The following MIS18A variants were observed in gnomAD, a reference collection of about 807,000 sequenced individuals.
The protein encoded by MIS18A is MIS18 kinetochore protein A, also known as protein Mis18-alpha.
A neutral mutation model predicts 25.0 loss-of-function variants in MIS18A; 14 were observed. The ratio of observed to expected loss-of-function variants is 0.56; its 90% CI spans 0.37 to 0.88. The LOEUF is 0.88. MIS18A is among the 40% of genes least tolerant of loss of function. The pLI is 0.00. For missense variants in MIS18A, 292 were observed against 290.8 expected (o/e 1.00, Z -0.03); for synonymous variants, 134 against 118.6 (o/e 1.13, Z -0.84).
chr21:32,189,707 G>T, the MIS18A span, among the ~76,000 whole-genome samples: 1 of 152,034 alleles, frequency 6.6e-6, no homozygotes, highest in South Asian at 2.1e-4. Flanking sequence ...TGACTCACCT[G>T]TGTCCTTTAG....
the MIS18A span, among the ~76,000 whole-genome samples, chr21:32,168,237 G>A: frequency 6.6e-6 from 1 of 152,188 alleles, no homozygotes; most frequent in Non-Finnish European, 1.5e-5. Context: ...TCAGAACTAT[G>A]AGAATTAAAT....
chr21:32,274,959 G>A, intron 1 of MIS18A, 63 bp from the exon 2 acceptor site: 1 of 1,350,942 alleles, frequency 7.4e-7, no homozygotes, highest in Non-Finnish European at 1.0e-6. Flanking sequence ...CCTGCAGACA[G>A]AGAGTTTCTA....
At chr21:32,273,706 A>G (rs1001356489) in intron 2 of MIS18A, among the ~76,000 whole-genome samples, 1 of 152,208 alleles carries the variant, frequency 6.6e-6, no homozygotes, top group Non-Finnish European at 1.5e-5. Context: ...GTATTTGGTC[A>G]TAAGTGCACA....
chr21:32,239,693 G>A, the MIS18A span, among the ~76,000 whole-genome samples: 1 of 152,184 alleles, frequency 6.6e-6, no homozygotes, highest in Non-Finnish European at 1.5e-5. Context: ...CCACAGAAGA[G>A]CCACGAGAAA....
At chr21:32,224,191 G>A in the MIS18A span, among the ~76,000 whole-genome samples, 1 of 150,348 alleles carries the variant, frequency 6.7e-6, no homozygotes, top group Non-Finnish European at 1.5e-5. Context: ...GGCAAAAACT[G>A]GAAGCATTCC....
chr21:32,166,765 C>T, the MIS18A span, among the ~76,000 whole-genome samples: 1 of 152,092 alleles, frequency 6.6e-6, no homozygotes, highest in Non-Finnish European at 1.5e-5. Context: ...TACTCCCCTT[C>T]GAGAGATGGA....
In MIS18A at chr21:32,278,917, T is replaced by C; in HGVS notation, c.98A>G (p.Lys33Arg). ...GKCSDSSLLGKRLSEDSSRHQ... is the reference protein window; with the variant it reads ...GKCSDSSLLGRRLSEDSSRHQ... ...GCGGCTCGAGTCTTCGGAGAGTCTC[T>C]TGCCCAACAGCGAGGAGTCGCTGCA... Residue 33 changes from lysine (K) to arginine (R), a missense_variant, in exon 1 of 5, where the codon AAG becomes AGG. By Grantham distance (26) the Lys-to-Arg change is conservative (BLOSUM62 2). Coordinates refer to ENST00000290130, the MANE Select transcript of MIS18A (RefSeq NM_018944.3). 1.2e-6 allele frequency: 2 copies of C among 1,613,670 alleles called. No homozygotes were observed. Among genetic ancestry groups the C allele is most frequent in the Non-Finnish European group, 1.7e-6 (2 of 1,180,012 alleles).
the MIS18A span, among the ~76,000 whole-genome samples, chr21:32,263,176 T>C: frequency 1.3e-5 from 2 of 152,250 alleles, no homozygotes; most frequent in Non-Finnish European, 2.9e-5. Flanking sequence ...CAGTTATTTA[T>C]CCTATCTGGG....
chr21:32,248,240 A>G, the MIS18A span, among the ~76,000 whole-genome samples: 1 of 152,168 alleles, frequency 6.6e-6, no homozygotes, highest in Non-Finnish European at 1.5e-5. Context: ...TGACATTGAC[A>G]TGTGTCACCT....
the MIS18A span, among the ~76,000 whole-genome samples, chr21:32,190,051 A>C: frequency 6.6e-6 from 1 of 152,134 alleles, no homozygotes; most frequent in Non-Finnish European, 1.5e-5. Flanking sequence ...CAAATGTGAA[A>C]ATTACAGAAG....
At chr21:32,180,922 G>A in the MIS18A span, among the ~76,000 whole-genome samples, 2 of 148,566 alleles carry the variant, frequency 1.3e-5, no homozygotes, top group Non-Finnish European at 3.0e-5. Context: ...TCCTCCCAGT[G>A]GCTGACTGGG....
chr21:32,257,441 G>A, the MIS18A span, among the ~76,000 whole-genome samples: 1 of 152,178 alleles, frequency 6.6e-6, no homozygotes, highest in African/African-American at 2.4e-5. Context: ...TTACACAGCA[G>A]CAGCAAATGT....
chr21:32,239,791 A>T, the MIS18A span, among the ~76,000 whole-genome samples: 3 of 152,118 alleles, frequency 2.0e-5, no homozygotes, highest in Non-Finnish European at 4.4e-5. Flanking sequence ...GGAAGCTCAA[A>T]CTCTATTTAG....
chr21:32,172,198 T>A, the MIS18A span, among the ~76,000 whole-genome samples: 9 of 152,096 alleles, frequency 5.9e-5, no homozygotes, highest in African/African-American at 9.6e-5. Flanking sequence ...GATAGGAATA[T>A]AAATTGCTGC....
chr21:32,274,920 A>G, intron 1 of MIS18A, 24 bp from the exon 2 acceptor site: 1 of 1,582,706 alleles, frequency 6.3e-7, no homozygotes, highest in Non-Finnish European at 8.7e-7. Context: ...AAGTAACAAT[A>G]ATTTATTAAT....
chr21:32,176,376 A>G, the MIS18A span, among the ~76,000 whole-genome samples: 1 of 152,182 alleles, frequency 6.6e-6, no homozygotes, highest in African/African-American at 2.4e-5. Context: ...CTCCATTATA[A>G]TCTTATAGAA....
chr21:32,270,931 T>C (rs1489925739), intron 2 of MIS18A, among the ~76,000 whole-genome samples: 1 of 152,232 alleles, frequency 6.6e-6, no homozygotes, highest in Non-Finnish European at 1.5e-5. Flanking sequence ...CTGAATAACC[T>C]GTGTTCCAAT....
chr21:32,219,346 G>T, the MIS18A span, among the ~76,000 whole-genome samples: 1 of 152,122 alleles, frequency 6.6e-6, no homozygotes. Context: ...GCAGGGTGGG[G>T]TGTTGCCTCA....
At chr21:32,176,219 TATC>T in the MIS18A span, among the ~76,000 whole-genome samples, 5 of 152,356 alleles carry the variant, frequency 3.3e-5, no homozygotes, top group African/African-American at 1.2e-4. Context: ...TTATTATCAT[TATC>T]GAGTATTATG....
Sources: allele counts gnomAD v4.1 joint callset (sites outside exome capture counted in the v4.1 genomes callset), GRCh38; gene constraint gnomAD v4.1.1; transcripts MANE v1.5; gene names NCBI Gene and HGNC (gene_info 2026-07-23, HGNC 2026-07-21).